Variants in ASIC2 observed in about 807,000 individuals in gnomAD.
ASIC2 encodes acid sensing ion channel subunit 2, also known as acid-sensing ion channel 2.
ASIC2 carries 25 observed loss-of-function variants against 57.3 expected under a neutral mutation model. The ratio of observed to expected loss-of-function variants is 0.44; its 90% CI spans 0.32 to 0.61. The LOEUF is 0.61. Among genes scored for constraint, ASIC2 ranks in the 20% least tolerant of loss-of-function variants. The probability of loss-of-function intolerance (pLI) is 0.06; values close to 1 mark genes in which losing one functional copy is unlikely to be tolerated. For missense variants in ASIC2, 641 were observed against 738.1 expected, an observed-to-expected ratio of 0.87 and a Z score of 1.52; for synonymous variants, 319 against 307.5, an observed-to-expected ratio of 1.04 and a Z score of -0.39.
At chr17:33,140,423 T>C (rs2092382860) in intron 1 of ASIC2, among the ~76,000 whole-genome samples, 1 of 152,216 alleles carries the variant, frequency 6.6e-6, no homozygotes. Context: ...TGCTACTGAT[T>C]ATCCATGTGA....
At chr17:34,037,402 G>A (rs934861848) in intron 1 of ASIC2, 161 of 488,910 alleles carry the variant, frequency 3.3e-4, no homozygotes, top group Non-Finnish European at 4.7e-4. Context: ...AACCTCGGGC[G>A]GGGCCTTTTC....
intron 1 of ASIC2, among the ~76,000 whole-genome samples, chr17:33,503,356 C>T (rs78809201): frequency 0.02 from 3,092 of 152,238 alleles, 80 homozygotes; most frequent in East Asian, 0.097. Context: ...TGTCCCACCC[C>T]CCTTGCAAGA....
chr17:33,919,966 T>C lies in ASIC2; in HGVS notation c.555+236012A>G, dbSNP rs368427925. Among the ~76,000 whole-genome samples the C allele has an allele frequency of 2.0e-4, 31 of 152,116 alleles. No individual in the cohort carries two copies. The East Asian group carries it at 5.8e-3, about 29-fold the overall frequency. ...AGAGAGATGCAAATCAAAACCACAA[T>C]GAGATACCATCTCACACGAGTCAGA... On this transcript the variant is annotated intron_variant, in intron 1 of 9. Transcript: ENST00000359872.
chr17:33,768,373 C>T (rs1188253789), intron 1 of ASIC2, among the ~76,000 whole-genome samples: 4 of 152,074 alleles, frequency 2.6e-5, no homozygotes, highest in Non-Finnish European at 5.9e-5. Flanking sequence ...TCCTTGTTTA[C>T]ATTATCTAAG....
At chr17:33,061,068 C>T (rs577344710) in intron 3 of ASIC2, among the ~76,000 whole-genome samples, 10 of 152,278 alleles carry the variant, frequency 6.6e-5, no homozygotes, top group Admixed American at 2.6e-4. Context: ...TGGGCTGAGA[C>T]GATGGGGTTT....
chr17:33,188,706 TAA>T (rs1213275925), intron 1 of ASIC2, among the ~76,000 whole-genome samples: 3 of 152,088 alleles, frequency 2.0e-5, no homozygotes, highest in African/African-American at 7.2e-5. Context: ...ATATATCTGG[TAA>T]AAATATATTT....
intron 1 of ASIC2, among the ~76,000 whole-genome samples, chr17:33,490,752 G>A (rs1913730034): frequency 6.6e-6 from 1 of 152,128 alleles, no homozygotes; most frequent in African/African-American, 2.4e-5. Flanking sequence ...GTCTTTATTA[G>A]CAGTGTGAGA....
chr17:33,231,889 C>G (rs1908105338), intron 1 of ASIC2, among the ~76,000 whole-genome samples: 1 of 152,142 alleles, frequency 6.6e-6, no homozygotes, highest in African/African-American at 2.4e-5. Flanking sequence ...GAGCAGGGAG[C>G]CTGTCCTCTC....
At chr17:33,589,258 CA>C (rs1351583826) in intron 1 of ASIC2, among the ~76,000 whole-genome samples, 1 of 152,176 alleles carries the variant, frequency 6.6e-6, no homozygotes, top group African/African-American at 2.4e-5. Flanking sequence ...CCCAGGCACA[CA>C]GAGGATGCTG....
chr17:33,799,091 C>T (rs1912003712), intron 1 of ASIC2, among the ~76,000 whole-genome samples: 1 of 152,210 alleles, frequency 6.6e-6, no homozygotes, highest in African/African-American at 2.4e-5. Flanking sequence ...TTGACAAATG[C>T]CTTGACCTCC....
chr17:33,871,122 G>A (rs1914393371), intron 1 of ASIC2, among the ~76,000 whole-genome samples: 1 of 152,120 alleles, frequency 6.6e-6, no homozygotes, highest in East Asian at 1.9e-4. Context: ...TCCTGCATGG[G>A]CACTGAGCAT....
intron 1 of ASIC2, among the ~76,000 whole-genome samples, chr17:33,865,683 G>A (rs1914213438): frequency 6.7e-6 from 1 of 148,806 alleles, no homozygotes; most frequent in Non-Finnish European, 1.5e-5. Context: ...CACCAGCATG[G>A]CACATGTATA....
intron 1 of ASIC2, among the ~76,000 whole-genome samples, chr17:33,846,726 CTTTTT>C (rs71144902): frequency 2.8e-5 from 4 of 143,656 alleles, no homozygotes; most frequent in African/African-American, 1.0e-4. Flanking sequence ...TCAGTGATAA[CTTTTT>C]TTTTTTTTTT....
chr17:33,721,696 A>C lies in ASIC2; in HGVS notation c.555+434282T>G, dbSNP rs1401071856. On this transcript the variant is annotated intron_variant, in intron 1 of 9. Transcript: ENST00000359872. ...CCACTGGGCCCAGGAGAGGAAATCTATTTTGGATGCAATGGTTAGAGAAGA... is the reference window on the plus strand; with the variant it reads ...CCACTGGGCCCAGGAGAGGAAATCTCTTTTGGATGCAATGGTTAGAGAAGA... 1.3e-5 allele frequency among the ~76,000 whole-genome samples: 2 copies of C among 152,226 alleles called. 1 individual carries two copies. Among genetic ancestry groups the C allele is most frequent in the Admixed American group, 1.3e-4 (2 of 15,290 alleles).
intron 1 of ASIC2, among the ~76,000 whole-genome samples, chr17:33,638,752 AT>A (rs919773555): frequency 2.0e-5 from 3 of 151,662 alleles, no homozygotes; most frequent in East Asian, 1.9e-4. Context: ...CTGCCTGAGA[AT>A]TTTTTTTTCC....
intron 1 of ASIC2, among the ~76,000 whole-genome samples, chr17:33,737,175 T>A (rs147491879): frequency 2.0e-5 from 3 of 152,398 alleles, no homozygotes; most frequent in Non-Finnish European, 2.9e-5. Context: ...TTTACCCTTA[T>A]AAACTGAGGC....
chr17:33,141,111 C>G (rs944548949), intron 1 of ASIC2, among the ~76,000 whole-genome samples: 2 of 152,220 alleles, frequency 1.3e-5, no homozygotes, highest in African/African-American at 4.8e-5. Flanking sequence ...CTGTGTCTCT[C>G]GCATCAGAGA....
At chr17:33,241,228 G>A (rs549108384) in intron 1 of ASIC2, among the ~76,000 whole-genome samples, 1 of 152,300 alleles carries the variant, frequency 6.6e-6, no homozygotes, top group East Asian at 1.9e-4. Flanking sequence ...TGAGTATTGG[G>A]TACTTTATTA....
intron 1 of ASIC2, among the ~76,000 whole-genome samples, chr17:34,016,464 C>T (rs1412263178): frequency 7.3e-5 from 11 of 150,842 alleles, no homozygotes; most frequent in Admixed American, 2.0e-4. Flanking sequence ...ATGCAACTGC[C>T]CATCATGAAT....
Sources: gnomAD v4.1 joint callset for allele counts (sites outside exome capture counted in the v4.1 genomes callset) on GRCh38, gnomAD v4.1.1 for gene constraint, MANE v1.5 for transcripts, NCBI Gene and HGNC (gene_info 2026-07-23, HGNC 2026-07-21) for gene names.